Variants in LRWD1 observed in about 807,000 individuals in gnomAD.
The protein encoded by LRWD1 is leucine-rich repeat and WD repeat-containing protein 1.
In LRWD1, 76 loss-of-function variants were observed where a neutral mutation model predicts 75.6. That is an observed-to-expected ratio of 1.01 (90% CI 0.84 to 1.22). The LOEUF (loss-of-function observed/expected upper bound fraction) is 1.22, where lower values mean the gene tolerates loss of function less well. Among genes scored for constraint, LRWD1 ranks in the 50% most tolerant of loss-of-function variants. The probability of loss-of-function intolerance (pLI) is 0.00; values close to 1 mark genes in which losing one functional copy is unlikely to be tolerated. For missense variants in LRWD1, 917 were observed against 862.0 expected, an observed-to-expected ratio of 1.06 and a Z score of -0.80; for synonymous variants, 487 against 377.0, an observed-to-expected ratio of 1.29 and a Z score of -3.38.
At chr7:102,469,084 C>T (rs976446474) in intron 9 of LRWD1, 22 bp downstream of exon 9, 6 of 1,563,432 alleles carry the variant, frequency 3.8e-6, no homozygotes, top group African/African-American at 2.7e-5. Context: ...CCCTTCACCC[C>T]TGGGACCCCC....
chr7:102,465,795 A>T, intron 1 of LRWD1, 22 bp from the exon 2 acceptor site: 4 of 1,597,084 alleles, frequency 2.5e-6, no homozygotes, highest in Non-Finnish European at 3.4e-6. Context: ...CCGCCCCCTA[A>T]GCCTTCTGCC....
chr7:102,467,309 C>A, intron 3 of LRWD1, 30 bp from the exon 4 acceptor site: 1 of 1,571,382 alleles, frequency 6.4e-7, no homozygotes, highest in Non-Finnish European at 8.6e-7. Context: ...TGGGGTGGGC[C>A]GGGCCTGGAT....
At position 102,467,423 on chromosome 7, in the gene LRWD1, G is replaced by A. The variant is rs1302284212; in HGVS notation, c.517G>A (p.Ala173Thr). The A allele has an allele frequency of 1.2e-6, 2 of 1,613,692 alleles. No individual in the cohort carries two copies. Among genetic ancestry groups the A allele is most frequent in the Admixed American group, 1.7e-5 (1 of 59,950 alleles). ...GGCCCAGGCGGACTTTGTGAAGTCG[G>A]CTGTCAGGGATGTCCGCTACGGGCC... ...EKAQADFVKS[A>T]VRDVRYGPES... is the part of the protein sequence containing the mutation. Residue 173 changes from alanine (A) to threonine (T), a missense_variant, in exon 4 of 15, where the codon GCT becomes ACT. Physicochemically the swap from Ala to Thr is moderately conservative, Grantham distance 58 (BLOSUM62 0). Coordinates refer to ENST00000292616, the MANE Select transcript of LRWD1 (RefSeq NM_152892.3).
chr7:102,468,259 A>C lies in LRWD1; in HGVS notation c.805-4A>C. The C allele has an allele frequency of 6.2e-7, 1 of 1,605,622 alleles. No homozygotes were observed. Among genetic ancestry groups the C allele is most frequent in the Non-Finnish European group, 8.5e-7 (1 of 1,176,860 alleles). On this transcript the variant is annotated splice_region_variant and splice_polypyrimidine_tract_variant and intron_variant, in intron 6 of 14. Transcript: ENST00000292616. ...GCAGCTGTGACCCTTCTCTCCCCCCACAGCCTGCTGTGAAGCTGGAGCCCC... is the reference window on the plus strand; with the variant it reads ...GCAGCTGTGACCCTTCTCTCCCCCCCCAGCCTGCTGTGAAGCTGGAGCCCC...
chr7:102,467,723 G>C lies in LRWD1; in HGVS notation c.578G>C (p.Arg193Pro), dbSNP rs75691611. 1 of 1,551,558 alleles carries C rather than the reference G, an allele frequency of 6.4e-7. No individual in the cohort carries two copies. The highest frequency in any genetic ancestry group is 8.7e-7 in the Non-Finnish European group (1 of 1,147,018). ...SLSEFTQWRVRMISEELVAAS... is the reference protein window; with the variant it reads ...SLSEFTQWRVPMISEELVAAS... Reference sequence around the variant, plus strand: ...TGATGGCCTGGCCCCACCCAGGTGCGGATGATCTCTGAGGAGCTGGTGGCC... The same window carrying C: ...TGATGGCCTGGCCCCACCCAGGTGCCGATGATCTCTGAGGAGCTGGTGGCC... The change falls in exon 5 of 15, where the codon CGG becomes CCG. Residue 193 changes from arginine to proline, a missense_variant. Coordinates refer to ENST00000292616, the MANE Select transcript of LRWD1 (RefSeq NM_152892.3).
intron 1 of LRWD1, 164 bp from the exon 2 acceptor site, chr7:102,465,653 C>G: frequency 1.6e-6 from 1 of 616,636 alleles, no homozygotes. Flanking sequence ...GCCTAGGCGA[C>G]TGAGTGACAC....
chr7:102,470,106 C>T (rs549813891), intron 11 of LRWD1: 128 of 549,310 alleles, frequency 2.3e-4, no homozygotes, highest in Non-Finnish European at 2.4e-4. Context: ...GCCATGATGA[C>T]CTCCCCTTCA....
rs1361805917 is a variant in LRWD1, at chr7:102,469,799, C to A, written c.1359C>A (p.Ser453=). ...SIPLRLCPVA[S]CPDARLLAGC... is the part of the protein sequence containing the mutation. ...CCCTGCGCCTCTGCCCTGTCGCCTCCTGCCCGGACGCCCGCCTGCTGGCCG... is the reference window on the plus strand; with the variant it reads ...CCCTGCGCCTCTGCCCTGTCGCCTCATGCCCGGACGCCCGCCTGCTGGCCG... The change falls in exon 11 of 15, where the codon TCC becomes TCA. Residue 453 remains serine, a synonymous_variant. Transcript: ENST00000292616. The A allele has an allele frequency of 3.7e-6, 6 of 1,608,862 alleles. No individual in the cohort carries two copies. The highest frequency in any genetic ancestry group is 1.3e-5 in the African/African-American group (1 of 74,952).
At chr7:102,466,712 C>A in intron 3 of LRWD1, among the ~76,000 whole-genome samples, 1 of 149,900 alleles carries the variant, frequency 6.7e-6, no homozygotes. Flanking sequence ...GTCACCACAC[C>A]CGGCCTGACT....
At position 102,465,048 on chromosome 7, in the gene LRWD1, C is replaced by G. The variant is rs553639545; in HGVS notation, c.-33C>G. On this transcript the variant is annotated 5_prime_UTR_variant, in exon 1 of 15. Transcript: ENST00000292616. ...GGGCGACGCCACACGCCGGGGTGGCCGACTGGGTCAGCGCGGGCTGCGCCT... is the reference window on the plus strand; with the variant it reads ...GGGCGACGCCACACGCCGGGGTGGCGGACTGGGTCAGCGCGGGCTGCGCCT... 6.9e-6 allele frequency: 10 copies of G among 1,452,570 alleles called. No individual in the cohort carries two copies. Among genetic ancestry groups the G allele is most frequent in the South Asian group, 1.4e-5 (1 of 72,864 alleles). 90.0% of individuals were successfully genotyped at this position (1,452,570 alleles called of 1,614,324 possible).
rs1478655679 is a variant in LRWD1 at position 102,469,183 on chromosome 7, C to T, written c.1228+121C>T. ...CGGGCGCCTGCCGGGCCCCAGTCTGCACCGCTCCGACTCTAGCTTTGGCAG... is the reference window on the plus strand; with the variant it reads ...CGGGCGCCTGCCGGGCCCCAGTCTGTACCGCTCCGACTCTAGCTTTGGCAG... On this transcript the variant is annotated intron_variant, in intron 9 of 14. Transcript: ENST00000292616. 1.8e-5 allele frequency: 15 copies of T among 843,708 alleles called. No individual in the cohort carries two copies. In the South Asian group the frequency reaches 2.1e-4, roughly 12 times the overall value. The allele number at this position is 843,708 out of a possible 1,614,324, so 52.3% of individuals were successfully genotyped here.
Position 102,465,121 on chromosome 7 carries a change from GC to G in LRWD1, c.45del (p.Lys16ArgfsTer31). 1 of 1,511,608 alleles carries G rather than the reference GC, an allele frequency of 6.6e-7. No individual in the cohort carries two copies. The allele number at this position is 1,511,608 out of a possible 1,614,324, so 93.6% of individuals were successfully genotyped here. A position where few individuals can be genotyped will look rare whatever the true frequency, so the allele number is the denominator to read the frequency against. On this transcript the variant is annotated frameshift_variant, in exon 1 of 15. Transcript: ENST00000292616. LOFTEE classifies it high-confidence loss of function. ...GCGCGGCTGCTAATGCAGCGCGGGC[GC>G]CCCAAGAGCGACCGGCTGGGGAAGA... ...LSARLLMQRGRPKSDRLGKIR... is the reference protein window; with the variant it reads ...LSARLLMQRGXPKSDRLGKIR...
Position 102,467,172 on chromosome 7 carries a change from GTGT to G in LRWD1, c.433-166_433-164del, listed in dbSNP as rs1390085222. Among the ~76,000 whole-genome samples the G allele has an allele frequency of 5.4e-3, 128 of 23,542 alleles. 10 individuals are homozygous for G. The highest frequency in any genetic ancestry group is 0.04 in the East Asian group (66 of 1,634). 15.4% of individuals were successfully genotyped at this position (23,542 alleles called of 152,430 possible). ...GGGTTGTTGCTGGGGTGTGTGTGGGGTGTGTGTGTGTGTGTGTGTGTGTGTGTG... is the reference window on the plus strand; with the variant it reads ...GGGTTGTTGCTGGGGTGTGTGTGGGGGTGTGTGTGTGTGTGTGTGTGTGTG... On this transcript the variant is annotated intron_variant, in intron 3 of 14. Transcript: ENST00000292616.
In LRWD1 at chr7:102,465,071, C is replaced by T; in HGVS notation, c.-10C>T. Reference sequence around the variant, plus strand: ...GCCGACTGGGTCAGCGCGGGCTGCGCCTCCTCGCCATGGGCCCCCTCTCGG... The same window carrying T: ...GCCGACTGGGTCAGCGCGGGCTGCGTCTCCTCGCCATGGGCCCCCTCTCGG... On this transcript the variant is annotated 5_prime_UTR_variant, in exon 1 of 15. Transcript: ENST00000292616. The T allele has an allele frequency of 6.7e-7, 1 of 1,482,286 alleles. No individual in the cohort carries two copies. The highest frequency in any genetic ancestry group is 3.0e-5 in the East Asian group (1 of 33,684). 91.8% of individuals were successfully genotyped at this position (1,482,286 alleles called of 1,614,324 possible). A position where few individuals can be genotyped will look rare whatever the true frequency, so the allele number is the denominator to read the frequency against.
chr7:102,467,656 C>T (rs1241615377), intron 4 of LRWD1, 63 bp from the exon 5 acceptor site: 4 of 1,522,252 alleles, frequency 2.6e-6, no homozygotes, highest in East Asian at 2.5e-5. Context: ...CCTGACTATG[C>T]ATCGGCAGGG....
rs758156190 is a variant in LRWD1, at chr7:102,468,669, C to T, written c.1020+15C>T. On this transcript the variant is annotated intron_variant, in intron 8 of 14. Transcript: ENST00000292616. Reference sequence around the variant, plus strand: ...CACCCGGCGAGGTGAGTGCAAGGCCCTGTCCCTGCTGGGCAAGGGTGCCCG... The same window carrying T: ...CACCCGGCGAGGTGAGTGCAAGGCCTTGTCCCTGCTGGGCAAGGGTGCCCG... The T allele has an allele frequency of 1.9e-6, 3 of 1,556,368 alleles. No individual in the cohort carries two copies. The highest frequency in any genetic ancestry group is 1.7e-6 in the Non-Finnish European group (2 of 1,150,166).
At chr7:102,470,791 G>A (rs1167299198) in intron 11 of LRWD1, 1 of 152,252 alleles carries the variant, frequency 6.6e-6, no homozygotes, top group South Asian at 2.1e-4. Context: ...TTGAGATAGA[G>A]TCTCCCTCTT....
Position 102,472,820 on chromosome 7 carries a change from C to T in LRWD1, c.1803+16C>T, listed in dbSNP as rs147801847. 7.0e-3 allele frequency: 11,358 copies of T among 1,613,030 alleles called. 62 individuals carry two copies. Among genetic ancestry groups the T allele is most frequent in the Middle Eastern group, 0.018 (109 of 6,060 alleles). ...CCCCACACAGGTACTGCCCGGCTCA[C>T]CCTGCCCAGGCTTGGGCTGGCAAGG... On this transcript the variant is annotated intron_variant, in intron 14 of 14. Transcript: ENST00000292616.
At position 102,473,107 on chromosome 7, in the gene LRWD1, C is replaced by G. The variant is rs117004797; in HGVS notation, c.*58C>G. 4.4e-5 allele frequency: 63 copies of G among 1,444,662 alleles called. No homozygotes were observed. Among genetic ancestry groups the G allele is most frequent in the Non-Finnish European group, 5.5e-5 (59 of 1,074,444 alleles). 89.5% of individuals were successfully genotyped at this position (1,444,662 alleles called of 1,614,324 possible). A position where few individuals can be genotyped will look rare whatever the true frequency, so the allele number is the denominator to read the frequency against. ...CTAACTAACTTATTCAGCTTTGGGC[C>G]GATGGGGGTGGGGGGGGGTCTTTCA... On this transcript the variant is annotated 3_prime_UTR_variant, in exon 15 of 15. Transcript: ENST00000292616.
Sources: gnomAD v4.1 joint callset for allele counts (sites outside exome capture counted in the v4.1 genomes callset) on GRCh38, gnomAD v4.1.1 for gene constraint, MANE v1.5 for transcripts, NCBI Gene and HGNC (gene_info 2026-07-23, HGNC 2026-07-21) for gene names.